Variants in TMCO6 observed in about 807,000 individuals in gnomAD.
TMCO6 encodes transmembrane and coiled-coil domain-containing protein 6.
Under a neutral mutation model 61.8 loss-of-function variants are expected in TMCO6, and 47 were observed. The ratio of observed to expected loss-of-function variants is 0.76; its 90% CI spans 0.60 to 0.97. The LOEUF is 0.97. Among genes scored for constraint, TMCO6 ranks in the 50% least tolerant of loss-of-function variants. TMCO6 has a pLI of 0.00. For synonymous variants in TMCO6, 261 were observed against 254.2 expected (o/e 1.03, Z -0.25); for missense variants, 557 against 601.6 (o/e 0.93, Z 0.78).
At chr5:140,635,650 C>A (rs914163305), upstream of TMCO6, among the ~76,000 whole-genome samples, 16 of 152,182 alleles carry the variant, frequency 1.1e-4, no homozygotes, top group African/African-American at 3.9e-4. Flanking sequence ...ACAGACATGA[C>A]AAAGACAAGT....
intron 2 of TMCO6, 152 bp downstream of exon 2, chr5:140,640,003 C>T (rs2149790135): frequency 1.5e-6 from 1 of 661,906 alleles, no homozygotes; most frequent in Non-Finnish European, 2.7e-6. Flanking sequence ...TCATCCTGCA[C>T]AACTCTTTGA....
chr5:140,616,987 G>A, the TMCO6 span, among the ~76,000 whole-genome samples: 2 of 151,854 alleles, frequency 1.3e-5, no homozygotes, highest in South Asian at 2.1e-4. Flanking sequence ...ATGTTGCTGT[G>A]AGCCGAGATC....
chr5:140,607,300 T>C, the TMCO6 span, among the ~76,000 whole-genome samples: 1 of 152,232 alleles, frequency 6.6e-6, no homozygotes, highest in Non-Finnish European at 1.5e-5. Flanking sequence ...AATATTTGCC[T>C]TTTTGTGTCT....
chr5:140,636,048 G>GAC (rs1399590057), upstream of TMCO6, among the ~76,000 whole-genome samples: 1 of 152,174 alleles, frequency 6.6e-6, no homozygotes, highest in Non-Finnish European at 1.5e-5. Context: ...GCCCAGGCTG[G>GAC]AGTGCAATGA....
At chr5:140,600,774 A>G in the TMCO6 span, among the ~76,000 whole-genome samples, 1 of 152,186 alleles carries the variant, frequency 6.6e-6, no homozygotes, top group East Asian at 1.9e-4. Flanking sequence ...CCAAAGGGTG[A>G]ATTTATGTGC....
chr5:140,639,708 T>G, intron 1 of TMCO6, 31 bp from the exon 2 acceptor site: 6 of 1,564,400 alleles, frequency 3.8e-6, no homozygotes, highest in Non-Finnish European at 5.2e-6. Flanking sequence ...TGGTCGTCCT[T>G]CCCACGCTCA....
the TMCO6 span, among the ~76,000 whole-genome samples, chr5:140,598,559 C>T: frequency 6.6e-6 from 1 of 152,204 alleles, no homozygotes; most frequent in African/African-American, 2.4e-5. Context: ...CAAATTAGTA[C>T]AGTATCTTTT....
downstream of TMCO6, among the ~76,000 whole-genome samples, chr5:140,646,452 T>G (rs371705862): frequency 6.6e-6 from 1 of 152,200 alleles, no homozygotes; most frequent in Non-Finnish European, 1.5e-5. Flanking sequence ...TATTAGTGCA[T>G]GTCTAATGTC....
the TMCO6 span, among the ~76,000 whole-genome samples, chr5:140,599,872 C>A: frequency 7.9e-5 from 12 of 152,168 alleles, no homozygotes; most frequent in African/African-American, 2.9e-4. Flanking sequence ...CGCAACACTG[C>A]ACTCCAGCCT....
At chr5:140,647,457 G>A (rs1000986821), downstream of TMCO6, 4 of 1,606,086 alleles carry the variant, frequency 2.5e-6, no homozygotes, top group Non-Finnish European at 3.4e-6. Flanking sequence ...CCCGAAGCCC[G>A]CCCGCCTCAC....
Position 140,642,300 on chromosome 5 carries a change from G to A in TMCO6, c.499-15G>A. The stretch of plus-strand genomic sequence containing the variant: ...GAAACAGGCCAAGCCCAGTGCTTTT[G>A]TTGCCTGTTCTCAGGAGCTGTGTCT... On this transcript the variant is annotated splice_polypyrimidine_tract_variant and intron_variant, in intron 4 of 11. Transcript: ENST00000394671. 4 of 1,599,070 alleles carry A rather than the reference G, an allele frequency of 2.5e-6. No homozygotes were observed. Among genetic ancestry groups the A allele is most frequent in the Non-Finnish European group, 3.4e-6 (4 of 1,171,526 alleles).
rs780748958 is a variant in TMCO6, at chr5:140,642,680, A to T, written c.689+9A>T. 27 of 1,613,886 alleles carry T rather than the reference A, an allele frequency of 1.7e-5. No homozygotes were observed. The highest frequency in any genetic ancestry group is 2.2e-5 in the Non-Finnish European group (26 of 1,180,006). On this transcript the variant is annotated intron_variant, in intron 6 of 11. Transcript: ENST00000394671. ...CCAGAGAAGATCATTCCGTGAGTAA[A>T]ATTGTCTTTAGATGTGCAGCCAGAG... is the stretch of plus-strand genomic sequence containing the variant.
intron 7 of TMCO6, chr5:140,643,327 G>A: frequency 1.7e-6 from 1 of 583,286 alleles, no homozygotes; most frequent in East Asian, 3.2e-5. Context: ...CTCCTGAGTA[G>A]CTGAGACTAC....
chr5:140,638,565 CTTT>C (rs112303526), upstream of TMCO6, among the ~76,000 whole-genome samples: 10 of 89,258 alleles, frequency 1.1e-4, no homozygotes, highest in African/African-American at 5.1e-4. Context: ...TTCTTTCTTT[CTTT>C]TTTTTTTTTT....
the TMCO6 span, among the ~76,000 whole-genome samples, chr5:140,598,211 G>T: frequency 7.5e-3 from 1,082 of 144,522 alleles, 5 homozygotes; most frequent in African/African-American, 0.019. Flanking sequence ...ATTTTATTTG[G>T]TTTTTTTTTT....
At chr5:140,601,206 C>G in the TMCO6 span, among the ~76,000 whole-genome samples, 2 of 152,138 alleles carry the variant, frequency 1.3e-5, no homozygotes, top group African/African-American at 4.8e-5. Flanking sequence ...GTATGTGGCT[C>G]CTATGTTAAG....
chr5:140,615,686 T>C, the TMCO6 span, among the ~76,000 whole-genome samples: 1 of 152,212 alleles, frequency 6.6e-6, no homozygotes, highest in African/African-American at 2.4e-5. Flanking sequence ...GACTATTCAA[T>C]AGATAAAAGA....
the TMCO6 span, among the ~76,000 whole-genome samples, chr5:140,605,905 T>C: frequency 6.6e-6 from 1 of 152,166 alleles, no homozygotes; most frequent in African/African-American, 2.4e-5. Context: ...GTTATAAATA[T>C]GTTGTTGAGG....
At chr5:140,637,082 A>T (rs1292994026), upstream of TMCO6, among the ~76,000 whole-genome samples, 1 of 152,160 alleles carries the variant, frequency 6.6e-6, no homozygotes, top group Non-Finnish European at 1.5e-5. Flanking sequence ...TGAGGGAAGG[A>T]TGCTGGTAGA....
Sources: allele counts gnomAD v4.1 joint callset (sites outside exome capture counted in the v4.1 genomes callset), GRCh38; gene constraint gnomAD v4.1.1; transcripts MANE v1.5; gene names NCBI Gene and HGNC (gene_info 2026-07-23, HGNC 2026-07-21).